Variants in SCUBE1 observed in about 807,000 individuals in gnomAD.
SCUBE1 encodes signal peptide, CUB and EGF-like domain-containing protein 1.
Under a neutral mutation model 124.4 loss-of-function variants are expected in SCUBE1, and 59 were observed. The observed-to-expected ratio is 0.47, with a 90% CI of 0.38 to 0.59. SCUBE1 has a LOEUF of 0.59. Ranked by LOEUF, SCUBE1 falls within the 20% of genes least tolerant of loss-of-function variation. SCUBE1 has a pLI of 0.00. For missense variants in SCUBE1, 1,150 were observed against 1,371.2 expected (o/e 0.84, Z 2.55); for synonymous variants, 545 against 550.9 (o/e 0.99, Z 0.15).
At chr22:43,214,315 G>C in intron 15 of SCUBE1, 64 bp from the exon 16 acceptor site, 1 of 1,511,630 alleles carries the variant, frequency 6.6e-7, no homozygotes, top group South Asian at 1.2e-5. Flanking sequence ...TGTCTCCTGT[G>C]TGCTCAAGCC....
intron 10 of SCUBE1, among the ~76,000 whole-genome samples, chr22:43,225,188 C>A (rs1021103343): frequency 6.7e-6 from 1 of 149,188 alleles, no homozygotes; most frequent in Non-Finnish European, 1.5e-5. Context: ...CTTATCGCAT[C>A]ACCCCCCCAC....
intron 6 of SCUBE1, among the ~76,000 whole-genome samples, chr22:43,254,102 G>A (rs533260725): frequency 2.6e-5 from 4 of 152,348 alleles, no homozygotes; most frequent in South Asian, 4.1e-4. Context: ...AGGCCAACCC[G>A]GACTGCCCAA....
At chr22:43,266,110 A>C (rs1472078647) in intron 4 of SCUBE1, among the ~76,000 whole-genome samples, 5 of 152,170 alleles carry the variant, frequency 3.3e-5, no homozygotes, top group Non-Finnish European at 7.4e-5. Flanking sequence ...CAAAGAAAAA[A>C]AAAATATTAC....
At chr22:43,207,354 A>C (rs149803225) in intron 21 of SCUBE1, among the ~76,000 whole-genome samples, 180 bp downstream of exon 21, 1 of 152,222 alleles carries the variant, frequency 6.6e-6, no homozygotes, top group Non-Finnish European at 1.5e-5. Context: ...GGAGGAACAG[A>C]TGTGCAGGAC....
intron 4 of SCUBE1, among the ~76,000 whole-genome samples, chr22:43,272,214 T>G (rs1924320421): frequency 6.6e-6 from 1 of 152,122 alleles, no homozygotes; most frequent in Non-Finnish European, 1.5e-5. Context: ...CCAGAGCCTC[T>G]TGGGGTCCTG....
chr22:43,287,414 G>C (rs1373585675), intron 4 of SCUBE1, among the ~76,000 whole-genome samples: 1 of 152,242 alleles, frequency 6.6e-6, no homozygotes, highest in African/African-American at 2.4e-5. Context: ...GGAGGCAAGA[G>C]TAACTGTGCA....
At chr22:43,263,547 G>C (rs561170621) in intron 4 of SCUBE1, among the ~76,000 whole-genome samples, 1 of 152,184 alleles carries the variant, frequency 6.6e-6, no homozygotes, top group Non-Finnish European at 1.5e-5. Flanking sequence ...CGGCGAACAC[G>C]CACAGGGCAA....
chr22:43,277,133 G>A (rs543618954), intron 4 of SCUBE1, among the ~76,000 whole-genome samples: 1 of 152,228 alleles, frequency 6.6e-6, no homozygotes, highest in East Asian at 1.9e-4. Context: ...AGGTGTGCGG[G>A]GAAAAGGTGT....
intron 12 of SCUBE1, among the ~76,000 whole-genome samples, 164 bp from the exon 13 acceptor site, chr22:43,221,453 C>T (rs1280966601): frequency 6.6e-6 from 1 of 152,010 alleles, no homozygotes; most frequent in South Asian, 2.1e-4. Context: ...CCCTCTCCTG[C>T]CCCATTTCTC....
intron 4 of SCUBE1, among the ~76,000 whole-genome samples, chr22:43,290,587 C>T (rs867508622): frequency 3.9e-5 from 6 of 151,910 alleles, no homozygotes; most frequent in South Asian, 2.1e-4. Context: ...AGCAGGCGCC[C>T]GACCACAAGG....
At chr22:43,257,994 A>G (rs1038238873) in intron 6 of SCUBE1, among the ~76,000 whole-genome samples, 1 of 152,178 alleles carries the variant, frequency 6.6e-6, no homozygotes, top group Non-Finnish European at 1.5e-5. Flanking sequence ...ACAAAGCAGA[A>G]AAGCCTGGTC....
chr22:43,234,846 C>T lies in SCUBE1; in HGVS notation c.845-2971G>A, dbSNP rs544025434. On this transcript the variant is annotated intron_variant, in intron 7 of 21. Coordinates refer to ENST00000360835, the MANE Select transcript of SCUBE1 (RefSeq NM_173050.5). This position sits in a 1 kb window ranked among gnomAD's most constrained non-coding sequence, Gnocchi z 4.4. ...GGCTCCCAGAGCTTCCCTTCCAGCC[C>T]GGCCAGGCTGCTTTGCCTCCTTTCT... Among the ~76,000 whole-genome samples, 19 of 152,306 alleles carry T rather than the reference C, an allele frequency of 1.2e-4. No homozygotes were observed. Among genetic ancestry groups the T allele is most frequent in the Admixed American group, 8.5e-4 (13 of 15,302 alleles).
In SCUBE1 at chr22:43,205,647, T is replaced by A. The variant is rs1280909122; in HGVS notation, c.2815-1498A>T. ...TACCATACACCCACTCACCACACAC[T>A]CACCCCCACACACACCACACACCCA... On this transcript the variant is annotated intron_variant, in intron 21 of 21. Transcript: ENST00000360835. 2.1e-4 allele frequency among the ~76,000 whole-genome samples: 9 copies of A among 43,236 alleles called. No individual in the cohort carries two copies. In the South Asian group the frequency reaches 3.4e-3, roughly 16 times the overall value. 28.4% of individuals were successfully genotyped at this position (43,236 alleles called of 152,430 possible). A position where few individuals can be genotyped will look rare whatever the true frequency, so the allele number is the denominator to read the frequency against.
At position 43,198,472 on chromosome 22, in the gene SCUBE1, C is replaced by T. The variant is rs901123603; in HGVS notation, c.*5525G>A. On this transcript the variant is annotated 3_prime_UTR_variant, in exon 22 of 22. Transcript: ENST00000360835. ...CCCAGCTCTGCCTGCCCAGGACTTA[C>T]TCCTGGAAGGGCCAGGGATCTGTGG... is the stretch of plus-strand genomic sequence containing the variant. The T allele has an allele frequency of 2.3e-6, 1 of 442,058 alleles. No homozygotes were observed. The highest frequency in any genetic ancestry group is 4.6e-6 in the Non-Finnish European group (1 of 218,402). The allele number at this position is 442,058 out of a possible 1,614,324, so 27.4% of individuals were successfully genotyped here.
intron 2 of SCUBE1, among the ~76,000 whole-genome samples, chr22:43,322,892 C>T (rs1926604425): frequency 6.6e-6 from 1 of 152,144 alleles, no homozygotes; most frequent in African/African-American, 2.4e-5. Flanking sequence ...AAATATACAC[C>T]AGCCCTTTTA....
rs1187159022 is a variant in SCUBE1, at chr22:43,200,619, A to AC, written c.*3377dup. The AC allele has an allele frequency of 1.3e-5, 2 of 152,174 alleles. No individual in the cohort carries two copies. The highest frequency in any genetic ancestry group is 4.8e-5 in the African/African-American group (2 of 41,424). The allele number at this position is 152,174 out of a possible 1,614,324, so 9.4% of individuals were successfully genotyped here. A position where few individuals can be genotyped will look rare whatever the true frequency, so the allele number is the denominator to read the frequency against. On this transcript the variant is annotated 3_prime_UTR_variant, in exon 22 of 22. Transcript: ENST00000360835. ...AGGGTCAGCTGTAGTTTAACGGGGG[A>AC]CCCCCAAGTTCCCTGGTGTGAGACT... is the stretch of plus-strand genomic sequence containing the variant.
At chr22:43,312,695 T>G (rs1403528306) in intron 3 of SCUBE1, among the ~76,000 whole-genome samples, 2 of 152,016 alleles carry the variant, frequency 1.3e-5, no homozygotes, top group African/African-American at 4.8e-5. Flanking sequence ...AGCTATGGGG[T>G]GGAGGCGCCC....
intron 6 of SCUBE1, among the ~76,000 whole-genome samples, chr22:43,247,248 C>T (rs55768430): frequency 0.4 from 60,501 of 152,134 alleles, 12,764 homozygotes; most frequent in African/African-American, 0.52. Flanking sequence ...TGTCCAGTGC[C>T]TCAGCTAAGC....
rs1180024841 is a variant in SCUBE1 at position 43,198,493 on chromosome 22, T to C, written c.*5504A>G. On this transcript the variant is annotated 3_prime_UTR_variant, in exon 22 of 22. Transcript: ENST00000360835. Reference sequence around the variant, plus strand: ...CTTACTCCTGGAAGGGCCAGGGATCTGTGGGTGCTGTGGGGGCAGAGGCAG... The same window carrying C: ...CTTACTCCTGGAAGGGCCAGGGATCCGTGGGTGCTGTGGGGGCAGAGGCAG... 2.2e-6 allele frequency: 1 copy of C among 453,260 alleles called. No homozygotes were observed. Among genetic ancestry groups the C allele is most frequent in the Admixed American group, 2.4e-5 (1 of 42,462 alleles). The allele number at this position is 453,260 out of a possible 1,614,324, so 28.1% of individuals were successfully genotyped here.
Sources: allele counts gnomAD v4.1 joint callset (sites outside exome capture counted in the v4.1 genomes callset), GRCh38; gene constraint gnomAD v4.1.1; non-coding constraint Gnocchi (gnomAD v3.1); transcripts MANE v1.5; gene names NCBI Gene and HGNC (gene_info 2026-07-23, HGNC 2026-07-21).